Variants in PPP2R5C observed in about 807,000 individuals in gnomAD.
PPP2R5C encodes protein phosphatase 2 regulatory subunit B'gamma, also known as serine/threonine-protein phosphatase 2A 56 kDa regulatory subunit gamma isoform.
Under a neutral mutation model 68.9 loss-of-function variants are expected in PPP2R5C, and 7 were observed. The observed-to-expected ratio is 0.10, with a 90% CI of 0.06 to 0.19. PPP2R5C has a LOEUF of 0.19. Among genes scored for constraint, PPP2R5C ranks in the 10% least tolerant of loss-of-function variants. The probability of loss-of-function intolerance (pLI) is 1.00; values close to 1 mark genes in which losing one functional copy is unlikely to be tolerated. For missense variants in PPP2R5C, 348 were observed against 641.3 expected, an observed-to-expected ratio of 0.54 and a Z score of 4.94; for synonymous variants, 210 against 222.2, an observed-to-expected ratio of 0.95 and a Z score of 0.49.
Position 101,798,195 on chromosome 14 carries a change from T to C in PPP2R5C, c.259+12012T>C, listed in dbSNP as rs1170629397. Among the ~76,000 whole-genome samples the C allele has an allele frequency of 2.0e-5, 3 of 152,190 alleles. No homozygotes were observed. In the East Asian group the frequency reaches 5.8e-4, roughly 29 times the overall value. ...GCTGGCCAGCGCAGTGTGAGTGCAC[T>C]GTGCACATGATGCCACTGTTCTCTA... On this transcript the variant is annotated intron_variant, in intron 3 of 14. Transcript: ENST00000328724.
intron 5 of PPP2R5C, among the ~76,000 whole-genome samples, chr14:101,885,673 TG>T (rs1319940507): frequency 6.6e-6 from 1 of 152,254 alleles, no homozygotes; most frequent in Non-Finnish European, 1.5e-5. Context: ...GTTTGTAAAA[TG>T]GAGCCCGGTG....
intron 2 of PPP2R5C, among the ~76,000 whole-genome samples, chr14:101,869,699 G>C (rs2043273861): frequency 6.6e-6 from 1 of 152,180 alleles, no homozygotes; most frequent in South Asian, 2.1e-4. Flanking sequence ...CTGCCAGCCA[G>C]GCTGGAGTGC....
At chr14:101,851,191 G>A (rs960743825) in intron 1 of PPP2R5C, among the ~76,000 whole-genome samples, 4 of 152,154 alleles carry the variant, frequency 2.6e-5, no homozygotes, top group Non-Finnish European at 5.9e-5. Flanking sequence ...AACATTTTTG[G>A]GAGGCTGAGG....
At chr14:101,863,457 TAGTTCTTATAAACAAA>T (rs1366698912) in intron 2 of PPP2R5C, among the ~76,000 whole-genome samples, 1 of 152,178 alleles carries the variant, frequency 6.6e-6, no homozygotes, top group Non-Finnish European at 1.5e-5. Flanking sequence ...TCAATAGATA[TAGTTCTTATAAACAAA>T]AGTTCTTTAG....
intron 8 of PPP2R5C, among the ~76,000 whole-genome samples, chr14:101,897,244 G>A (rs536717982): frequency 6.6e-6 from 1 of 152,060 alleles, no homozygotes. Flanking sequence ...CCTTCTTAAC[G>A]ACTGAAGACA....
At chr14:101,903,715 CCTG>C (rs1436580576) in intron 9 of PPP2R5C, among the ~76,000 whole-genome samples, 1 of 151,906 alleles carries the variant, frequency 6.6e-6, no homozygotes. Flanking sequence ...TCACTCTGTC[CCTG>C]AGGCTGGAGT....
At chr14:101,794,768 G>T (rs1175055340) in intron 3 of PPP2R5C, among the ~76,000 whole-genome samples, 1 of 152,080 alleles carries the variant, frequency 6.6e-6, no homozygotes, top group Admixed American at 6.5e-5. Context: ...TTCTTCCATT[G>T]TGTCTTCTAG....
rs2144989 is a variant in PPP2R5C, at chr14:101,915,367, A to G, written c.1327-2464A>G. Among the ~76,000 whole-genome samples, 889 of 152,280 alleles carry G rather than the reference A, an allele frequency of 5.8e-3. 11 individuals are homozygous for G. The highest frequency in any genetic ancestry group is 0.02 in the African/African-American group (836 of 41,558). ...AGTGCTGGGATTACAGGTGTGAGCC[A>G]CCGCACCTGGCCTTCAGTGAAGGTT... is the stretch of plus-strand genomic sequence containing the variant. On this transcript the variant is annotated intron_variant, in intron 12 of 13. Transcript: ENST00000334743. The surrounding 1 kb of genome is among the most constrained non-coding windows in gnomAD (Gnocchi z 4.2).
Position 101,906,261 on chromosome 14 carries a change from A to G in PPP2R5C, c.1024-141A>G. ...TCTTCAGGGTTACAGGTTACAGTCT[A>G]GAATATTTTGAATTTGTAGAAATAA... On this transcript the variant is annotated intron_variant, in intron 9 of 13. Transcript: ENST00000334743. This position sits in a 1 kb window ranked among gnomAD's most constrained non-coding sequence, Gnocchi z 4.0. 1.0e-6 allele frequency: 1 copy of G among 954,544 alleles called. No individual in the cohort carries two copies. Among genetic ancestry groups the G allele is most frequent in the South Asian group, 2.0e-5 (1 of 50,832 alleles). 59.1% of individuals were successfully genotyped at this position (954,544 alleles called of 1,614,324 possible).
chr14:101,842,075 C>T (rs958182718), intron 1 of PPP2R5C, among the ~76,000 whole-genome samples: 6 of 152,232 alleles, frequency 3.9e-5, no homozygotes, highest in East Asian at 1.9e-4. Flanking sequence ...TCAGTGGCAG[C>T]GCAGACTTAT....
At chr14:101,854,273 A>G (rs966801865) in intron 1 of PPP2R5C, among the ~76,000 whole-genome samples, 1 of 152,198 alleles carries the variant, frequency 6.6e-6, no homozygotes, top group Non-Finnish European at 1.5e-5. Flanking sequence ...AGCGTAGGAA[A>G]CAGGGAAACC....
intron 13 of PPP2R5C, among the ~76,000 whole-genome samples, chr14:101,923,282 T>C (rs1331205408): frequency 6.6e-6 from 1 of 152,252 alleles, no homozygotes; most frequent in Non-Finnish European, 1.5e-5. Context: ...TCTGGGGTCA[T>C]GTTTGTGTTC....
At chr14:101,800,228 G>A (rs1475357877) in intron 3 of PPP2R5C, among the ~76,000 whole-genome samples, 5 of 152,206 alleles carry the variant, frequency 3.3e-5, no homozygotes, top group African/African-American at 7.2e-5. Context: ...CAGGGTGGTA[G>A]AGTGAGACCC....
intron 1 of PPP2R5C, among the ~76,000 whole-genome samples, chr14:101,815,232 C>T (rs1250881320): frequency 1.3e-5 from 2 of 152,174 alleles, no homozygotes; most frequent in East Asian, 3.8e-4. Flanking sequence ...ATTTGAGCCT[C>T]AGTCAGTCTG....
rs2046028974 is a variant in PPP2R5C at position 101,906,469 on chromosome 14, C to T, written c.1091C>T (p.Ala364Val). The T allele has an allele frequency of 2.5e-6, 4 of 1,613,440 alleles. No individual in the cohort carries two copies. Among genetic ancestry groups the T allele is most frequent in the East Asian group, 2.2e-5 (1 of 44,888 alleles). The stretch of plus-strand genomic sequence containing the variant: ...ATGAGTTTAATCAGTGACAACGCAG[C>T]GAAGATTCTGCCCATCATGTTTCCT... The change falls in exon 10 of 14, where the codon GCG becomes GTG. Residue 364 changes from alanine to valine, a missense_variant. By Grantham distance (64) the Ala-to-Val change is moderately conservative. This residue lies in a region of PPP2R5C where 101 missense variants were observed against 209.8 expected (regional missense o/e 0.48). Transcript: ENST00000334743. This position sits in a 1 kb window ranked among gnomAD's most constrained non-coding sequence, Gnocchi z 4.0.
rs897404361 is a variant in PPP2R5C, at chr14:101,836,546, T to C, written c.95-20140T>C. 1.2e-5 allele frequency: 7 copies of C among 568,374 alleles called. No homozygotes were observed. The Admixed American group carries it at 2.1e-4, about 17-fold the overall frequency. The allele number at this position is 568,374 out of a possible 1,614,324, so 35.2% of individuals were successfully genotyped here. On this transcript the variant is annotated intron_variant, in intron 1 of 13. Transcript: ENST00000334743. ...AAATATTGTTTAGACAAAATAAATT[T>C]CTTTAAATATAATATCTCTACTTTA...
rs1416376501 is a variant in PPP2R5C, at chr14:101,877,002, G to A, written c.295-5159G>A. Among the ~76,000 whole-genome samples the A allele has an allele frequency of 7.4e-6, 1 of 134,556 alleles. No individual in the cohort carries two copies. The highest frequency in any genetic ancestry group is 2.9e-5 in the African/African-American group (1 of 34,508). The allele number at this position is 134,556 out of a possible 152,430, so 88.3% of individuals were successfully genotyped here. A position where few individuals can be genotyped will look rare whatever the true frequency, so the allele number is the denominator to read the frequency against. Reference sequence around the variant, plus strand: ...CTCACTCTATTGCCCAGGCTGGAGTGCAGTGGTGCAATCTCGGTTCACTGC... The same window carrying A: ...CTCACTCTATTGCCCAGGCTGGAGTACAGTGGTGCAATCTCGGTTCACTGC... On this transcript the variant is annotated intron_variant, in intron 2 of 13. Transcript: ENST00000334743. This position sits in a 1 kb window ranked among gnomAD's most constrained non-coding sequence, Gnocchi z 4.2.
At chr14:101,773,598 T>A (rs1283430299) in intron 2 of PPP2R5C, among the ~76,000 whole-genome samples, 1 of 151,986 alleles carries the variant, frequency 6.6e-6, no homozygotes, top group Admixed American at 6.6e-5. Context: ...GCAGGAGGGA[T>A]GGAGGTAGGG....
intron 3 of PPP2R5C, among the ~76,000 whole-genome samples, chr14:101,790,538 AAGGTTTTT>A (rs1488505445): frequency 2.0e-5 from 3 of 152,202 alleles, no homozygotes; most frequent in African/African-American, 7.2e-5. Flanking sequence ...CACCTGCTGT[AAGGTTTTT>A]GAGGTTCATC....
Sources: allele counts gnomAD v4.1 joint callset (sites outside exome capture counted in the v4.1 genomes callset), GRCh38; gene constraint gnomAD v4.1.1; regional missense constraint gnomAD v4.1.1; non-coding constraint Gnocchi (gnomAD v3.1); transcripts MANE v1.5; gene names NCBI Gene and HGNC (gene_info 2026-07-23, HGNC 2026-07-21).